The following AJAP1 variants were observed in gnomAD, a reference collection of about 807,000 sequenced individuals.
The protein encoded by AJAP1 is adherens junctions associated protein 1.
A neutral mutation model predicts 35.0 loss-of-function variants in AJAP1; 5 were observed. The ratio of observed to expected loss-of-function variants is 0.14; its 90% CI spans 0.07 to 0.30. AJAP1 has a LOEUF of 0.30. Ranked by LOEUF, AJAP1 falls within the 10% of genes least tolerant of loss-of-function variation. AJAP1 has a pLI of 1.00. For missense variants in AJAP1, 586 were observed against 571.0 expected (o/e 1.03, Z -0.27); for synonymous variants, 284 against 249.3 (o/e 1.14, Z -1.31).
intron 2 of AJAP1, among the ~76,000 whole-genome samples, chr1:4,733,646 C>G (rs968986609): frequency 2.0e-5 from 3 of 151,772 alleles, no homozygotes; most frequent in African/African-American, 7.3e-5. Context: ...AGATCCTGCT[C>G]CGAGCGCGGG....
chr1:4,699,388 A>G (rs1639937564), intron 1 of AJAP1, among the ~76,000 whole-genome samples: 2 of 152,222 alleles, frequency 1.3e-5, no homozygotes, highest in South Asian at 4.1e-4. Context: ...AGCGCCTGGC[A>G]TGCATACCGA....
Position 4,656,868 on chromosome 1 carries a change from G to C in AJAP1, c.29+1414G>C, listed in dbSNP as rs12127797. 0.48 allele frequency among the ~76,000 whole-genome samples: 73,382 copies of C among 151,972 alleles called. 18,600 individuals carry two copies. The highest frequency in any genetic ancestry group is 0.58 in the Admixed American group (8,887 of 15,282). On this transcript the variant is annotated intron_variant, in intron 1 of 5. Coordinates refer to ENST00000378191, the MANE Select transcript of AJAP1 (RefSeq NM_018836.4). This position sits in a 1 kb window ranked among gnomAD's most constrained non-coding sequence, Gnocchi z 5.7. Reference sequence around the variant, plus strand: ...AGATAAGGTTTAGGCTTGGACCGTTGTGGGATGTTGGCAAAATGGAGCGAG... The same window carrying C: ...AGATAAGGTTTAGGCTTGGACCGTTCTGGGATGTTGGCAAAATGGAGCGAG...
At chr1:4,731,013 A>G (rs1215771839) in intron 2 of AJAP1, among the ~76,000 whole-genome samples, 2 of 152,174 alleles carry the variant, frequency 1.3e-5, no homozygotes, top group Non-Finnish European at 2.9e-5. Flanking sequence ...TTTCACCATA[A>G]GAACATTTGT....
At chr1:4,774,378 T>G in intron 4 of AJAP1, 49 bp from the exon 5 acceptor site, 1 of 1,570,180 alleles carries the variant, frequency 6.4e-7, no homozygotes. Flanking sequence ...CTATCATGTG[T>G]CATGGTCAAG....
chr1:4,778,113 A>G (rs889921399), intron 5 of AJAP1, among the ~76,000 whole-genome samples: 1 of 152,242 alleles, frequency 6.6e-6, no homozygotes, highest in East Asian at 1.9e-4. Context: ...GCCACTGCGT[A>G]GCATGCAGCC....
intron 2 of AJAP1, among the ~76,000 whole-genome samples, chr1:4,749,761 G>A (rs1394638340): frequency 6.6e-6 from 1 of 152,230 alleles, no homozygotes; most frequent in Non-Finnish European, 1.5e-5. Flanking sequence ...GGGTGTGTGT[G>A]TGGCACAGCT....
chr1:4,725,156 C>A (rs1057150738), intron 2 of AJAP1, among the ~76,000 whole-genome samples: 1 of 152,170 alleles, frequency 6.6e-6, no homozygotes, highest in Non-Finnish European at 1.5e-5. Context: ...GTGCAGACAG[C>A]GGCCTGCAGC....
At chr1:4,769,973 TGGG>T (rs767919803) in intron 3 of AJAP1, 33 bp downstream of exon 3, 2 of 1,565,684 alleles carry the variant, frequency 1.3e-6, no homozygotes, top group East Asian at 4.5e-5. Context: ...GGCCCAGAAA[TGGG>T]GGACTACCGG....
Position 4,783,774 on chromosome 1 carries a change from T to G in AJAP1, c.*1289T>G, listed in dbSNP as rs936763033. ...AAAGAAGTTTTCCAGTTCCAAAAAT[T>G]AAAGGAATATATCCTTATGATGTGT... is the stretch of plus-strand genomic sequence containing the variant. On this transcript the variant is annotated 3_prime_UTR_variant, in exon 6 of 6. Coordinates refer to ENST00000378191, the MANE Select transcript of AJAP1 (RefSeq NM_018836.4). 2 of 151,916 alleles carry G rather than the reference T, an allele frequency of 1.3e-5. No homozygotes were observed. Among genetic ancestry groups the G allele is most frequent in the African/African-American group, 4.8e-5 (2 of 41,346 alleles). The allele number at this position is 151,916 out of a possible 1,614,324, so 9.4% of individuals were successfully genotyped here.
chr1:4,792,421 G>A lies in AJAP1; in HGVS notation c.*9936G>A, dbSNP rs932050656. The A allele has an allele frequency of 2.7e-5, 4 of 149,198 alleles. No homozygotes were observed. The highest frequency in any genetic ancestry group is 5.9e-5 in the Non-Finnish European group (4 of 67,714). 9.2% of individuals were successfully genotyped at this position (149,198 alleles called of 1,614,324 possible). ...TTTTAAGTTGTTTCTGTATTTCAAAGCTATGTATTTGGAAAACATTGTAAA... is the reference window on the plus strand; with the variant it reads ...TTTTAAGTTGTTTCTGTATTTCAAAACTATGTATTTGGAAAACATTGTAAA... On this transcript the variant is annotated 3_prime_UTR_variant, in exon 6 of 6. Coordinates refer to ENST00000378191, the MANE Select transcript of AJAP1 (RefSeq NM_018836.4).
intron 2 of AJAP1, among the ~76,000 whole-genome samples, chr1:4,731,874 G>T (rs1640804723): frequency 6.6e-6 from 1 of 152,238 alleles, no homozygotes; most frequent in Admixed American, 6.5e-5. Flanking sequence ...CTGGGAGGCT[G>T]GGAGCCCTCC....
At chr1:4,710,708 G>T (rs7532197) in intron 1 of AJAP1, among the ~76,000 whole-genome samples, 3,924 of 152,368 alleles carry the variant, frequency 0.026, 149 homozygotes, top group African/African-American at 0.089. Flanking sequence ...ACTTTCAGAC[G>T]TGAGGCTGGT....
chr1:4,712,038 G>A lies in AJAP1; in HGVS notation c.168G>A (p.Ser56=), dbSNP rs532147012. Residue 56 remains serine (S), a synonymous_variant, in exon 2 of 6, where the codon TCG becomes TCA. Transcript: ENST00000378191. ...CGGAGTTCTGGCTCCTGCCGCGGTCGCCGCCCCGGCCGCCCCGGCTGTGGA... is the reference window on the plus strand; with the variant it reads ...CGGAGTTCTGGCTCCTGCCGCGGTCACCGCCCCGGCCGCCCCGGCTGTGGA... ...PGPEFWLLPR[S]PPRPPRLWSF... 1.3e-5 allele frequency: 21 copies of A among 1,587,734 alleles called. No individual in the cohort carries two copies. Among genetic ancestry groups the A allele is most frequent in the East Asian group, 2.4e-5 (1 of 42,226 alleles).
chr1:4,742,111 T>C (rs1293534362), intron 2 of AJAP1, among the ~76,000 whole-genome samples: 1 of 152,190 alleles, frequency 6.6e-6, no homozygotes, highest in East Asian at 1.9e-4. Context: ...TGGGTGAACG[T>C]TGGATGGCAA....
At chr1:4,684,211 T>C (rs1054779973) in intron 1 of AJAP1, among the ~76,000 whole-genome samples, 5 of 152,174 alleles carry the variant, frequency 3.3e-5, no homozygotes, top group Non-Finnish European at 5.9e-5. Flanking sequence ...CATCCCCAGC[T>C]GTTTGGGGGG....
At chr1:4,706,642 C>T (rs887027543) in intron 1 of AJAP1, among the ~76,000 whole-genome samples, 1 of 152,188 alleles carries the variant, frequency 6.6e-6, no homozygotes, top group Non-Finnish European at 1.5e-5. Context: ...CACCAGTGCT[C>T]CCACAAGGCA....
intron 2 of AJAP1, among the ~76,000 whole-genome samples, chr1:4,754,979 C>T (rs546162305): frequency 2.2e-4 from 34 of 152,308 alleles, no homozygotes; most frequent in Non-Finnish European, 4.3e-4. Context: ...CCTGCCTGGG[C>T]AGGAACCCCC....
rs560159721 is a variant in AJAP1, at chr1:4,789,282, G to A, written c.*6797G>A. ...TGCTGTAGATAACAGTCAATTAAAT[G>A]GGTTAATGTTCTAAGCCAAGAGAGT... On this transcript the variant is annotated 3_prime_UTR_variant, in exon 6 of 6. Coordinates refer to ENST00000378191, the MANE Select transcript of AJAP1 (RefSeq NM_018836.4). The surrounding 1 kb of genome is among the most constrained non-coding windows in gnomAD (Gnocchi z 4.4). 1 of 152,320 alleles carries A rather than the reference G, an allele frequency of 6.6e-6. No individual in the cohort carries two copies. Among genetic ancestry groups the A allele is most frequent in the South Asian group, 2.1e-4 (1 of 4,824 alleles). The allele number at this position is 152,320 out of a possible 1,614,324, so 9.4% of individuals were successfully genotyped here. A position where few individuals can be genotyped will look rare whatever the true frequency, so the allele number is the denominator to read the frequency against.
At chr1:4,663,458 C>T (rs1178406692) in intron 1 of AJAP1, among the ~76,000 whole-genome samples, 1 of 152,170 alleles carries the variant, frequency 6.6e-6, no homozygotes, top group Non-Finnish European at 1.5e-5. Flanking sequence ...TCGGCACCAA[C>T]CACAGACTTG....
Sources: allele counts gnomAD v4.1 joint callset (sites outside exome capture counted in the v4.1 genomes callset), GRCh38; gene constraint gnomAD v4.1.1; non-coding constraint Gnocchi (gnomAD v3.1); transcripts MANE v1.5; gene names NCBI Gene and HGNC (gene_info 2026-07-23, HGNC 2026-07-21).